Variants in PRDM10 observed in about 807,000 individuals in gnomAD.
The protein encoded by PRDM10 is PR/SET domain 10.
PRDM10 carries 65 observed loss-of-function variants against 133.1 expected under a neutral mutation model. The observed-to-expected ratio is 0.49, with a 90% CI of 0.40 to 0.60. PRDM10 has a LOEUF of 0.60. Ranked by LOEUF, PRDM10 falls within the 20% of genes least tolerant of loss-of-function variation. The pLI is 0.00. For synonymous variants in PRDM10, 582 were observed against 580.4 expected, an observed-to-expected ratio of 1.00 and a Z score of -0.04; for missense variants, 1,137 against 1,507.1, an observed-to-expected ratio of 0.75 and a Z score of 4.07.
intron 1 of PRDM10, among the ~76,000 whole-genome samples, chr11:129,977,255 T>TACACACAC (rs71057991): frequency 0.018 from 2,387 of 132,436 alleles, 28 homozygotes; most frequent in African/African-American, 0.029. Flanking sequence ...ATGACTAAAA[T>TACACACAC]ACACACACAC....
chr11:129,977,485 T>C (rs1937842583), intron 1 of PRDM10, among the ~76,000 whole-genome samples: 1 of 152,152 alleles, frequency 6.6e-6, no homozygotes. Flanking sequence ...GGTTTCACCA[T>C]GTTGGCCAGG....
chr11:129,984,597 C>T (rs1484306506), intron 1 of PRDM10, among the ~76,000 whole-genome samples: 1 of 152,106 alleles, frequency 6.6e-6, no homozygotes, highest in African/African-American at 2.4e-5. Context: ...CAAAATCCAG[C>T]GCTCCCCCAC....
chr11:129,947,450 G>T lies in PRDM10; in HGVS notation c.295-80C>A. On this transcript the variant is annotated intron_variant, in intron 4 of 20. Coordinates refer to ENST00000360871, the MANE Select transcript of PRDM10 (RefSeq NM_199437.2). The surrounding 1 kb of genome is among the most constrained non-coding windows in gnomAD (Gnocchi z 4.6). ...CGCTGGTGCCTGCTGGCACAAACAG[G>T]GCGCAAGGGCTGGCTGAAATCTAGT... is the stretch of plus-strand genomic sequence containing the variant. 6.3e-7 allele frequency: 1 copy of T among 1,587,108 alleles called. No homozygotes were observed. The highest frequency in any genetic ancestry group is 8.6e-7 in the Non-Finnish European group (1 of 1,162,130).
chr11:129,999,955 C>T (rs1377012822), intron 1 of PRDM10, among the ~76,000 whole-genome samples: 1 of 151,780 alleles, frequency 6.6e-6, no homozygotes, highest in Non-Finnish European at 1.5e-5. Flanking sequence ...TTTATACACA[C>T]ACAAAACCAA....
At position 129,960,937 on chromosome 11, in the gene PRDM10, C is replaced by G; in HGVS notation, c.28G>C (p.Val10Leu). Residue 10 changes from valine (V) to leucine (L), a missense_variant, in exon 2 of 21, where the codon GTG becomes CTG. Val to Leu is a conservative substitution (Grantham distance 32). Around this residue, in one of 6 missense-constraint regions of PRDM10, gnomAD observed 635 missense variants for 835.2 expected, o/e 0.76. Transcript: ENST00000360871. ...TCATGCTCTGCAGATGTCGGCCACACATGCGAGCTTTCATCTTTGGAATCC... is the reference window on the plus strand; with the variant it reads ...TCATGCTCTGCAGATGTCGGCCACAGATGCGAGCTTTCATCTTTGGAATCC... MDSKDESSH[V>L]WPTSAEHEQN... 6.2e-7 allele frequency: 1 copy of G among 1,614,204 alleles called. No individual in the cohort carries two copies. Among genetic ancestry groups the G allele is most frequent in the Non-Finnish European group, 8.5e-7 (1 of 1,180,036 alleles).
rs1356730102 is a variant in PRDM10 at position 129,937,646 on chromosome 11, C to G, written c.991G>C (p.Glu331Gln). ...LKVWYAASYA[E>Q]FVNQKIHDIS... The stretch of plus-strand genomic sequence containing the variant: ...TCATGAATTTTCTGGTTCACGAACT[C>G]AGCATAGGATGCGGCATACCACACC... The change falls in exon 8 of 21, where the codon GAG becomes CAG. Residue 331 changes from glutamate to glutamine, a missense_variant. Glu to Gln is a conservative substitution (Grantham distance 29). Around this residue, in one of 6 missense-constraint regions of PRDM10, gnomAD observed 635 missense variants for 835.2 expected, o/e 0.76. Coordinates refer to ENST00000360871, the MANE Select transcript of PRDM10 (RefSeq NM_199437.2). The G allele has an allele frequency of 3.7e-6, 6 of 1,613,676 alleles. No individual in the cohort carries two copies. The highest frequency in any genetic ancestry group is 5.1e-6 in the Non-Finnish European group (6 of 1,180,000).
In PRDM10 at chr11:129,935,338, G is replaced by A. The variant is rs73575391; in HGVS notation, c.1040-120C>T. 4,942 of 717,260 alleles carry A rather than the reference G, an allele frequency of 6.9e-3. 146 individuals are homozygous for A. The African/African-American group carries it at 0.074, about 11-fold the overall frequency. 44.4% of individuals were successfully genotyped at this position (717,260 alleles called of 1,614,324 possible). ...AGCCCAAAGAGTTCATAACTATATA[G>A]TATCTGCTATTTGCATTACTGTTCT... On this transcript the variant is annotated intron_variant, in intron 8 of 20. Transcript: ENST00000360871.
At chr11:129,903,479 T>C (rs1949909532) in intron 20 of PRDM10, among the ~76,000 whole-genome samples, 1 of 152,162 alleles carries the variant, frequency 6.6e-6, no homozygotes, top group Non-Finnish European at 1.5e-5. Context: ...TTTAGCTTTA[T>C]GAAAACTTAC....
chr11:129,959,599 C>T (rs1804424955), intron 2 of PRDM10, among the ~76,000 whole-genome samples: 1 of 152,104 alleles, frequency 6.6e-6, no homozygotes, highest in Admixed American at 6.5e-5. Flanking sequence ...AGTGTCACAA[C>T]CAGATTTTCT....
intron 4 of PRDM10, among the ~76,000 whole-genome samples, chr11:129,948,502 C>A (rs1024656707): frequency 6.6e-6 from 1 of 152,158 alleles, no homozygotes; most frequent in African/African-American, 2.4e-5. Flanking sequence ...GCCCTTGGAG[C>A]CATAGAATCC....
chr11:129,949,931 C>T (rs944857519), intron 4 of PRDM10, among the ~76,000 whole-genome samples: 2 of 96,282 alleles, frequency 2.1e-5, no homozygotes, highest in Admixed American at 1.2e-4. Context: ...CGAAACTCCA[C>T]CCCCCCACCC....
intron 1 of PRDM10, among the ~76,000 whole-genome samples, chr11:129,968,847 A>G (rs1951958349): frequency 6.6e-6 from 1 of 152,184 alleles, no homozygotes; most frequent in African/African-American, 2.4e-5. Context: ...TGATGCACCC[A>G]TCGACACTGC....
chr11:129,921,480 A>G (rs948306775), intron 13 of PRDM10, among the ~76,000 whole-genome samples: 1 of 152,202 alleles, frequency 6.6e-6, no homozygotes, highest in Non-Finnish European at 1.5e-5. Flanking sequence ...GGCTGGCAGG[A>G]GCCAGATCCT....
At chr11:129,990,733 A>C (rs1019057689) in intron 1 of PRDM10, among the ~76,000 whole-genome samples, 1 of 151,944 alleles carries the variant, frequency 6.6e-6, no homozygotes, top group Non-Finnish European at 1.5e-5. Flanking sequence ...CGGCCCCCCA[A>C]AGTGCTGGGA....
rs946850701 is a variant in PRDM10, at chr11:129,945,423, C to T, written c.521-411G>A. Among the ~76,000 whole-genome samples the T allele has an allele frequency of 3.9e-5, 6 of 152,224 alleles. No individual in the cohort carries two copies. The highest frequency in any genetic ancestry group is 1.9e-4 in the East Asian group (1 of 5,180). On this transcript the variant is annotated intron_variant, in intron 5 of 20. Transcript: ENST00000360871. The surrounding 1 kb of genome is among the most constrained non-coding windows in gnomAD (Gnocchi z 4.2). ...GCCCATTATCTCAATAAAACTATTC[C>T]GGGGCCGGGGAGGAACCCTGACAAT...
Position 129,905,743 on chromosome 11 carries a change from TAAA to T in PRDM10, c.3164-5_3164-3del. 6.2e-7 allele frequency: 1 copy of T among 1,612,188 alleles called. No individual in the cohort carries two copies. The highest frequency in any genetic ancestry group is 1.1e-5 in the South Asian group (1 of 91,036). ...GCGTCATCATTTGAATCTCAGATGC[TAAA>T]AAACAGGAAATATTCATAGTTCAGT... is the stretch of plus-strand genomic sequence containing the variant. On this transcript the variant is annotated splice_polypyrimidine_tract_variant and splice_region_variant and intron_variant, in intron 19 of 20. Transcript: ENST00000360871.
At position 129,900,846 on chromosome 11, in the gene PRDM10, A is replaced by C. The variant is rs540354585; in HGVS notation, c.*1467T>G. The C allele has an allele frequency of 7.1e-6, 1 of 141,710 alleles. No homozygotes were observed. The highest frequency in any genetic ancestry group is 2.1e-4 in the East Asian group (1 of 4,720). 8.8% of individuals were successfully genotyped at this position (141,710 alleles called of 1,614,324 possible). ...TACATGAACGCAGTCTCAGAAATAAAGTGCGAAATCTACACATCAATAAAG... is the reference window on the plus strand; with the variant it reads ...TACATGAACGCAGTCTCAGAAATAACGTGCGAAATCTACACATCAATAAAG... On this transcript the variant is annotated 3_prime_UTR_variant, in exon 21 of 21. Coordinates refer to ENST00000360871, the MANE Select transcript of PRDM10 (RefSeq NM_199437.2).
chr11:129,962,069 G>A (rs114653498), intron 1 of PRDM10, among the ~76,000 whole-genome samples: 1 of 152,282 alleles, frequency 6.6e-6, no homozygotes, highest in African/African-American at 2.4e-5. Context: ...AAAATTTGGT[G>A]AATGCAAATA....
At chr11:129,930,652 G>A (rs756367130) in intron 11 of PRDM10, among the ~76,000 whole-genome samples, 6 of 152,184 alleles carry the variant, frequency 3.9e-5, no homozygotes, top group Non-Finnish European at 8.8e-5. Flanking sequence ...TGAGAGCTAT[G>A]ATTAGGCACA....
Sources: allele counts gnomAD v4.1 joint callset (sites outside exome capture counted in the v4.1 genomes callset), GRCh38; gene constraint gnomAD v4.1.1; regional missense constraint gnomAD v4.1.1; non-coding constraint Gnocchi (gnomAD v3.1); transcripts MANE v1.5; gene names NCBI Gene and HGNC (gene_info 2026-07-23, HGNC 2026-07-21).